The following CDH18 variants were observed in gnomAD, a reference collection of about 807,000 sequenced individuals.
CDH18 encodes cadherin-18.
In CDH18, 31 loss-of-function variants were observed where a neutral mutation model predicts 67.9. The observed-to-expected ratio is 0.46, with a 90% confidence interval of 0.34 to 0.62. The LOEUF (loss-of-function observed/expected upper bound fraction) is 0.62, where lower values mean the gene tolerates loss of function less well. Ranked by LOEUF, CDH18 falls within the 20% of genes least tolerant of loss-of-function variation. CDH18 has a pLI of 0.01. For missense variants in CDH18, 890 were observed against 975.5 expected (o/e 0.91, Z 1.17); for synonymous variants, 362 against 347.2 (o/e 1.04, Z -0.48).
chr5:19,965,674 T>A (rs538162763), intron 2 of CDH18, among the ~76,000 whole-genome samples: 1 of 152,164 alleles, frequency 6.6e-6, no homozygotes, highest in Non-Finnish European at 1.5e-5. Flanking sequence ...ATGTCAACAG[T>A]TTCACTGTCC....
At chr5:19,715,246 T>C (rs1210146521) in intron 5 of CDH18, among the ~76,000 whole-genome samples, 2 of 152,182 alleles carry the variant, frequency 1.3e-5, no homozygotes, top group East Asian at 1.9e-4. Context: ...AAAATGTTGA[T>C]GAATTTAACT....
chr5:19,861,427 G>A (rs551732654), intron 2 of CDH18, among the ~76,000 whole-genome samples: 53 of 152,204 alleles, frequency 3.5e-4, no homozygotes, highest in African/African-American at 1.3e-3. Context: ...AAAGTCCAGA[G>A]GTAAGAAGGG....
At chr5:20,057,616 C>A (rs1742108615) in intron 2 of CDH18, among the ~76,000 whole-genome samples, 1 of 152,114 alleles carries the variant, frequency 6.6e-6, no homozygotes, top group South Asian at 2.1e-4. Flanking sequence ...TTGCATTTAT[C>A]ACACTGAACT....
At chr5:20,327,909 T>C (rs1333072013) in intron 1 of CDH18, among the ~76,000 whole-genome samples, 1 of 151,860 alleles carries the variant, frequency 6.6e-6, no homozygotes, top group Non-Finnish European at 1.5e-5. Flanking sequence ...ACAATAATAT[T>C]AATAAAGTTG....
chr5:19,841,114 T>TA, intron 2 of CDH18, among the ~76,000 whole-genome samples: 1 of 152,314 alleles, frequency 6.6e-6, no homozygotes, highest in East Asian at 1.9e-4. Flanking sequence ...TTTCGCTCCT[T>TA]AAATGAGGGT....
At chr5:19,570,729 C>T (rs987792216) in intron 8 of CDH18, among the ~76,000 whole-genome samples, 5 of 152,074 alleles carry the variant, frequency 3.3e-5, no homozygotes, top group African/African-American at 9.7e-5. Context: ...AAAAAAACTC[C>T]TTTGATAATG....
At chr5:19,588,489 A>G (rs1744570147) in intron 7 of CDH18, among the ~76,000 whole-genome samples, 1 of 152,072 alleles carries the variant, frequency 6.6e-6, no homozygotes, top group African/African-American at 2.4e-5. Flanking sequence ...AAGCAACCAT[A>G]TAAACAACTG....
chr5:19,709,284 T>C (rs1764388702), intron 5 of CDH18, among the ~76,000 whole-genome samples: 1 of 152,112 alleles, frequency 6.6e-6, no homozygotes, highest in Non-Finnish European at 1.5e-5. Context: ...AAGAAAAGGC[T>C]TGGCCCAGCA....
intron 1 of CDH18, among the ~76,000 whole-genome samples, chr5:20,268,790 A>G (rs1360505210): frequency 6.6e-6 from 1 of 152,150 alleles, no homozygotes; most frequent in Non-Finnish European, 1.5e-5. Flanking sequence ...AAGAAAACCT[A>G]GGGAAAACTC....
intron 2 of CDH18, among the ~76,000 whole-genome samples, chr5:20,211,952 G>C (rs1158363669): frequency 6.6e-6 from 1 of 152,158 alleles, no homozygotes; most frequent in Non-Finnish European, 1.5e-5. Flanking sequence ...ACAAAAGTAG[G>C]CTTCAGAAGA....
chr5:20,371,081 T>C (rs1214421735), intron 1 of CDH18, among the ~76,000 whole-genome samples: 1 of 151,102 alleles, frequency 6.6e-6, no homozygotes, highest in Non-Finnish European at 1.5e-5. Flanking sequence ...TGTATCATAG[T>C]TGTCAACATG....
At chr5:20,275,702 C>T (rs1745757464) in intron 1 of CDH18, among the ~76,000 whole-genome samples, 1 of 152,116 alleles carries the variant, frequency 6.6e-6, no homozygotes, top group Non-Finnish European at 1.5e-5. Flanking sequence ...AATAGCTTTC[C>T]ACACAAAAAA....
At chr5:20,301,837 G>T (rs12658448) in intron 1 of CDH18, among the ~76,000 whole-genome samples, 8,473 of 132,056 alleles carry the variant, frequency 0.064, 652 homozygotes, top group African/African-American at 0.19. Flanking sequence ...ATGTGATCTA[G>T]AATTGAAATT....
intron 1 of CDH18, among the ~76,000 whole-genome samples, chr5:20,389,647 C>A (rs1347310213): frequency 6.6e-6 from 1 of 152,054 alleles, no homozygotes; most frequent in Non-Finnish European, 1.5e-5. Flanking sequence ...CTTTAAAGTT[C>A]ATATGGAACC....
intron 2 of CDH18, among the ~76,000 whole-genome samples, chr5:20,105,318 T>A (rs113594292): frequency 2.6e-5 from 4 of 152,176 alleles, no homozygotes; most frequent in Admixed American, 2.0e-4. Context: ...GTATTTATTA[T>A]GGGAGTTATG....
intron 1 of CDH18, among the ~76,000 whole-genome samples, chr5:20,518,161 T>A (rs574262682): frequency 2.0e-5 from 3 of 152,222 alleles, no homozygotes; most frequent in African/African-American, 7.2e-5. Flanking sequence ...CTACTAACTC[T>A]ACCTGGGAAA....
At chr5:19,884,109 T>G (rs1787946281) in intron 2 of CDH18, among the ~76,000 whole-genome samples, 1 of 152,134 alleles carries the variant, frequency 6.6e-6, no homozygotes, top group African/African-American at 2.4e-5. Context: ...TAGCACATCT[T>G]TTTCTATATA....
chr5:19,523,351 C>T (rs1454088826), intron 9 of CDH18, among the ~76,000 whole-genome samples: 2 of 151,996 alleles, frequency 1.3e-5, no homozygotes, highest in Non-Finnish European at 2.9e-5. Context: ...TGCACTAAAA[C>T]ATGATTTCTT....
At chr5:20,013,691 C>A (rs1737649471) in intron 2 of CDH18, among the ~76,000 whole-genome samples, 1 of 152,118 alleles carries the variant, frequency 6.6e-6, no homozygotes, top group South Asian at 2.1e-4. Context: ...TACAATCAAG[C>A]ATCAGAATAC....
Sources: gnomAD v4.1 joint callset for allele counts (sites outside exome capture counted in the v4.1 genomes callset) on GRCh38, gnomAD v4.1.1 for gene constraint, MANE v1.5 for transcripts, NCBI Gene and HGNC (gene_info 2026-07-23, HGNC 2026-07-21) for gene names.